Variants in GALNT7 observed in about 807,000 individuals in gnomAD.
The protein encoded by GALNT7 is polypeptide N-acetylgalactosaminyltransferase 7.
In GALNT7, 60 loss-of-function variants were observed where a neutral mutation model predicts 82.1. That is an observed-to-expected ratio of 0.73 (90% CI 0.59 to 0.91). GALNT7 has a LOEUF of 0.91. Ranked by LOEUF, GALNT7 falls within the 40% of genes least tolerant of loss-of-function variation. The pLI is 0.00. For missense variants in GALNT7, 660 were observed against 804.2 expected (o/e 0.82, Z 2.17); for synonymous variants, 243 against 275.1 (o/e 0.88, Z 1.15).
At chr4:173,194,360 T>A (rs1732711481) in intron 1 of GALNT7, among the ~76,000 whole-genome samples, 1 of 152,264 alleles carries the variant, frequency 6.6e-6, no homozygotes. Context: ...AATTCTGTCT[T>A]GTTGCCCTAG....
intron 1 of GALNT7, among the ~76,000 whole-genome samples, chr4:173,174,295 T>C (rs1271990387): frequency 6.6e-6 from 1 of 152,238 alleles, no homozygotes; most frequent in East Asian, 1.9e-4. Context: ...GAAGCTTTCA[T>C]GTTTCCTAAA....
chr4:173,203,479 A>G (rs114927082), intron 1 of GALNT7, among the ~76,000 whole-genome samples: 1 of 152,198 alleles, frequency 6.6e-6, no homozygotes, highest in Non-Finnish European at 1.5e-5. Flanking sequence ...ATTGACAGGT[A>G]AGGACTTATT....
At chr4:173,298,038 TC>T (rs1335329529) in intron 5 of GALNT7, 76 bp from the exon 6 acceptor site, 1 of 1,553,074 alleles carries the variant, frequency 6.4e-7, no homozygotes, top group Non-Finnish European at 8.7e-7. Flanking sequence ...TTTTTTTTCT[TC>T]CCCATGAACT....
At chr4:173,243,899 A>G (rs1221790009) in intron 1 of GALNT7, among the ~76,000 whole-genome samples, 1 of 152,032 alleles carries the variant, frequency 6.6e-6, no homozygotes, top group Non-Finnish European at 1.5e-5. Flanking sequence ...TTCTTTTCGG[A>G]GTCTATCTTA....
intron 3 of GALNT7, among the ~76,000 whole-genome samples, chr4:173,294,558 A>C (rs909184568): frequency 1.7e-4 from 26 of 152,106 alleles, no homozygotes; most frequent in African/African-American, 5.8e-4. Context: ...ATTTTTAAAC[A>C]ATTTTAAAAC....
chr4:173,245,424 C>T (rs1734590810), intron 1 of GALNT7, among the ~76,000 whole-genome samples: 1 of 152,074 alleles, frequency 6.6e-6, no homozygotes, highest in African/African-American at 2.4e-5. Flanking sequence ...TCAATTTCTT[C>T]TCTATGGAAC....
chr4:173,177,518 G>A (rs751072040), intron 1 of GALNT7, among the ~76,000 whole-genome samples: 8 of 151,764 alleles, frequency 5.3e-5, no homozygotes, highest in Non-Finnish European at 7.4e-5. Flanking sequence ...TGTGTATTAA[G>A]AAGAAACATG....
chr4:173,210,683 C>T (rs895516363), intron 1 of GALNT7, among the ~76,000 whole-genome samples: 1 of 152,108 alleles, frequency 6.6e-6, no homozygotes, highest in Non-Finnish European at 1.5e-5. Flanking sequence ...CCGCCCACCT[C>T]GGCCTCGCAG....
rs1453151516 is a variant in GALNT7, at chr4:173,295,511, G to A, written c.870G>A (p.Lys290=). 1 of 1,613,732 alleles carries A rather than the reference G, an allele frequency of 6.2e-7. No individual in the cohort carries two copies. The highest frequency in any genetic ancestry group is 1.7e-5 in the Admixed American group (1 of 60,008). Residue 290 remains lysine (K), a synonymous_variant, in exon 4 of 12, where the codon AAG becomes AAA. Transcript: ENST00000265000. The part of the protein sequence containing the change: ...LIQARSIGAQ[K]AKLGQVLIYL... ...AAGCACGAAGTATTGGTGCTCAGAA[G>A]GCTAAACTTGGACAGGTAGGAAGCA... is the stretch of plus-strand genomic sequence containing the variant.
intron 1 of GALNT7, among the ~76,000 whole-genome samples, chr4:173,179,418 G>A (rs1732176190): frequency 1.3e-5 from 2 of 152,210 alleles, no homozygotes; most frequent in South Asian, 4.1e-4. Flanking sequence ...TGAGCCTGGA[G>A]GATTGCTTGA....
chr4:173,304,913 C>T (rs1368115206), intron 8 of GALNT7, among the ~76,000 whole-genome samples: 2 of 151,992 alleles, frequency 1.3e-5, no homozygotes, highest in Non-Finnish European at 2.9e-5. Context: ...TTTCTTTACC[C>T]ATTCATCTGT....
intron 1 of GALNT7, among the ~76,000 whole-genome samples, chr4:173,225,052 T>A (rs1032810516): frequency 2.1e-5 from 3 of 140,138 alleles, no homozygotes; most frequent in Admixed American, 6.9e-5. Flanking sequence ...TAATAATAAT[T>A]ATAATTATAT....
chr4:173,295,312 C>G, intron 3 of GALNT7, 84 bp from the exon 4 acceptor site: 1 of 922,014 alleles, frequency 1.1e-6, no homozygotes, highest in Non-Finnish European at 1.8e-6. Context: ...CCCAATGCAC[C>G]TGTATTCTTG....
intron 1 of GALNT7, among the ~76,000 whole-genome samples, chr4:173,192,916 A>G (rs752454725): frequency 6.6e-6 from 1 of 152,236 alleles, no homozygotes; most frequent in Non-Finnish European, 1.5e-5. Context: ...TTTTTGAATC[A>G]TGTGGTGTTG....
intron 2 of GALNT7, among the ~76,000 whole-genome samples, chr4:173,280,512 A>G (rs1434582112): frequency 6.6e-6 from 1 of 152,166 alleles, no homozygotes; most frequent in Non-Finnish European, 1.5e-5. Flanking sequence ...CTACCCTGAA[A>G]ATATTCTGTA....
chr4:173,268,782 G>A (rs573660604), intron 2 of GALNT7, among the ~76,000 whole-genome samples: 11 of 150,538 alleles, frequency 7.3e-5, no homozygotes, highest in East Asian at 3.9e-4. Flanking sequence ...CTCTTGATCC[G>A]CCCTTCTTGG....
chr4:173,254,444 A>G (rs1044291812), intron 2 of GALNT7, among the ~76,000 whole-genome samples: 41 of 152,196 alleles, frequency 2.7e-4, no homozygotes, highest in African/African-American at 9.9e-4. Flanking sequence ...TATTTTTAAA[A>G]CATTGATTTA....
In GALNT7 at chr4:173,239,256, C is replaced by A. The variant is rs556776684; in HGVS notation, c.127-8724C>A. ...TTATCTCATTTGGATTCCCAAAATG[C>A]TAGCTTAAACCAAGCCAAGCAGTGG... is the stretch of plus-strand genomic sequence containing the variant. On this transcript the variant is annotated intron_variant, in intron 1 of 11. Coordinates refer to ENST00000265000, the MANE Select transcript of GALNT7 (RefSeq NM_017423.3). 2.0e-5 allele frequency among the ~76,000 whole-genome samples: 3 copies of A among 152,286 alleles called. No homozygotes were observed. The South Asian group carries it at 6.2e-4, about 32-fold the overall frequency.
intron 1 of GALNT7, among the ~76,000 whole-genome samples, chr4:173,223,569 C>G (rs1036833607): frequency 3.3e-5 from 5 of 152,042 alleles, no homozygotes; most frequent in Non-Finnish European, 5.9e-5. Context: ...AAACTTAACT[C>G]TTTTCCATAA....
Sources: gnomAD v4.1 joint callset for allele counts (sites outside exome capture counted in the v4.1 genomes callset) on GRCh38, gnomAD v4.1.1 for gene constraint, MANE v1.5 for transcripts, NCBI Gene and HGNC (gene_info 2026-07-23, HGNC 2026-07-21) for gene names.